Variants in CTNNA2 observed in about 807,000 individuals in gnomAD.
The protein encoded by CTNNA2 is catenin alpha-2.
In CTNNA2, 42 loss-of-function variants were observed where a neutral mutation model predicts 101.0. That is an observed-to-expected ratio of 0.42 (90% confidence interval 0.32 to 0.54). The LOEUF (loss-of-function observed/expected upper bound fraction) is 0.54. Among genes scored for constraint, CTNNA2 ranks in the 20% least tolerant of loss-of-function variants. The pLI, the probability that CTNNA2 is intolerant of heterozygous loss-of-function variation, is 0.14. For synonymous variants in CTNNA2, 450 were observed against 456.4 expected, an observed-to-expected ratio of 0.99 and a Z score of 0.18; for missense variants, 871 against 1,223.1, an observed-to-expected ratio of 0.71 and a Z score of 4.29.
intron 8 of CTNNA2, among the ~76,000 whole-genome samples, chr2:80,417,994 C>A (rs573761099): frequency 6.6e-6 from 1 of 152,196 alleles, no homozygotes; most frequent in South Asian, 2.1e-4. Flanking sequence ...TTGAGATAAC[C>A]TGAATCTTCT....
intron 7 of CTNNA2, among the ~76,000 whole-genome samples, chr2:80,037,472 C>T (rs929628072): frequency 6.6e-6 from 1 of 152,138 alleles, no homozygotes; most frequent in Non-Finnish European, 1.5e-5. Flanking sequence ...AGTGATCCTT[C>T]TTTTGTTGAC....
chr2:79,416,935 A>G (rs1678490499), intron 4 of CTNNA2, among the ~76,000 whole-genome samples: 1 of 152,168 alleles, frequency 6.6e-6, no homozygotes, highest in Non-Finnish European at 1.5e-5. Flanking sequence ...ATGGCACATT[A>G]GCAAACATGC....
chr2:80,421,240 C>G (rs2149409023), intron 9 of CTNNA2, among the ~76,000 whole-genome samples: 1 of 152,252 alleles, frequency 6.6e-6, no homozygotes, highest in South Asian at 2.1e-4. Flanking sequence ...AATATACCAT[C>G]CCATCTGTAT....
Position 80,588,097 on chromosome 2 carries a change from A to G in CTNNA2, c.2008-1207A>G, listed in dbSNP as rs150789642. ...AACTGATCAATAAGTAACTATGTTTAATGGGTGTTTCTGTTTAGACACTTT... is the reference window on the plus strand; with the variant it reads ...AACTGATCAATAAGTAACTATGTTTGATGGGTGTTTCTGTTTAGACACTTT... On this transcript the variant is annotated intron_variant, in intron 14 of 18. Coordinates refer to ENST00000402739, the MANE Select transcript of CTNNA2 (RefSeq NM_001282597.3). Among the ~76,000 whole-genome samples, 987 of 152,350 alleles carry G rather than the reference A, an allele frequency of 6.5e-3. 40 individuals are homozygous for G. Among genetic ancestry groups the G allele is most frequent in the Admixed American group, 0.056 (864 of 15,302 alleles).
intron 7 of CTNNA2, among the ~76,000 whole-genome samples, chr2:79,983,189 A>G (rs1177581639): frequency 1.0e-4 from 15 of 149,170 alleles, no homozygotes; most frequent in Admixed American, 9.4e-4. Context: ...TATGTTTTAT[A>G]TATTCATATA....
chr2:79,700,214 C>A (rs1431325462), intron 2 of CTNNA2, among the ~76,000 whole-genome samples: 7 of 152,028 alleles, frequency 4.6e-5, no homozygotes, highest in African/African-American at 1.7e-4. Context: ...ATGCAATAAT[C>A]ATCAAAGTAT....
At chr2:79,626,520 C>A (rs1184063522) in intron 1 of CTNNA2, among the ~76,000 whole-genome samples, 1 of 151,936 alleles carries the variant, frequency 6.6e-6, no homozygotes, top group African/African-American at 2.4e-5. Flanking sequence ...TTAACCAATC[C>A]TGTGCATATG....
At chr2:79,241,783 G>C (rs1419915682) in intron 2 of CTNNA2, among the ~76,000 whole-genome samples, 1 of 152,228 alleles carries the variant, frequency 6.6e-6, no homozygotes, top group Non-Finnish European at 1.5e-5. Flanking sequence ...TTGCAGAGCA[G>C]ATTTTTACAT....
At chr2:80,528,124 A>G (rs1690195369) in intron 9 of CTNNA2, among the ~76,000 whole-genome samples, 2 of 152,352 alleles carry the variant, frequency 1.3e-5, no homozygotes, top group South Asian at 2.1e-4. Flanking sequence ...TGTGGGGCAC[A>G]TGAGAAAGGA....
intron 7 of CTNNA2, among the ~76,000 whole-genome samples, chr2:80,235,500 G>T (rs2149082428): frequency 6.6e-6 from 1 of 152,376 alleles, no homozygotes; most frequent in African/African-American, 2.4e-5. Flanking sequence ...GTTGTGGGAA[G>T]CAGGAGAGAA....
At chr2:79,608,014 C>T (rs193251057) in intron 1 of CTNNA2, among the ~76,000 whole-genome samples, 337 of 151,582 alleles carry the variant, frequency 2.2e-3, no homozygotes, top group African/African-American at 7.8e-3. Context: ...TTTAGTAAGT[C>T]TCTAGCCAGA....
intron 1 of CTNNA2, among the ~76,000 whole-genome samples, chr2:79,572,719 T>C (rs1250875815): frequency 2.0e-5 from 3 of 152,176 alleles, no homozygotes; most frequent in Non-Finnish European, 4.4e-5. Flanking sequence ...GCTGCTGCAT[T>C]CCAGCGTGGG....
chr2:80,583,383 T>C (rs1417337257), intron 14 of CTNNA2, among the ~76,000 whole-genome samples: 3 of 152,160 alleles, frequency 2.0e-5, no homozygotes, highest in Admixed American at 6.6e-5. Context: ...TAATCCCCCC[T>C]AAAATGTTGA....
intron 7 of CTNNA2, among the ~76,000 whole-genome samples, chr2:80,353,304 G>C (rs1432636773): frequency 1.3e-5 from 2 of 152,022 alleles, no homozygotes; most frequent in African/African-American, 4.8e-5. Context: ...TATAAGACTG[G>C]ATACAACAGC....
intron 7 of CTNNA2, among the ~76,000 whole-genome samples, chr2:80,008,756 C>T (rs1350125802): frequency 1.3e-5 from 2 of 152,188 alleles, no homozygotes; most frequent in Non-Finnish European, 2.9e-5. Flanking sequence ...GGCACTACCA[C>T]CCTCAGTGGG....
chr2:80,322,751 ATGTGAGAGAGAT>A (rs1338100257), intron 7 of CTNNA2, among the ~76,000 whole-genome samples: 1 of 152,172 alleles, frequency 6.6e-6, no homozygotes, highest in African/African-American at 2.4e-5. Flanking sequence ...CTCACTCAGC[ATGTGAGAGAGAT>A]TGTCTTCTCA....
chr2:79,988,846 T>A (rs935457761), intron 7 of CTNNA2, among the ~76,000 whole-genome samples: 1 of 152,220 alleles, frequency 6.6e-6, no homozygotes, highest in East Asian at 1.9e-4. Flanking sequence ...CTGAGGCTCA[T>A]GAATGAAGAT....
At chr2:79,343,029 TG>T (rs1349456654) in intron 3 of CTNNA2, among the ~76,000 whole-genome samples, 1 of 152,224 alleles carries the variant, frequency 6.6e-6, no homozygotes, top group African/African-American at 2.4e-5. Flanking sequence ...GATCTGATTA[TG>T]TCTAGGAATT....
At chr2:80,342,630 T>C (rs1245322498) in intron 7 of CTNNA2, among the ~76,000 whole-genome samples, 2 of 152,236 alleles carry the variant, frequency 1.3e-5, no homozygotes, top group African/African-American at 4.8e-5. Flanking sequence ...AACTGCCACC[T>C]AATTTTTTTT....
Sources: gnomAD v4.1 joint callset for allele counts (sites outside exome capture counted in the v4.1 genomes callset) on GRCh38, gnomAD v4.1.1 for gene constraint, MANE v1.5 for transcripts, NCBI Gene and HGNC (gene_info 2026-07-23, HGNC 2026-07-21) for gene names.